Variants in ENTREP2 observed in about 807,000 individuals in gnomAD.
The protein encoded by ENTREP2 is protein ENTREP2.
the ENTREP2 span, among the ~76,000 whole-genome samples, chr15:29,663,535 A>C: frequency 2.0e-5 from 3 of 152,204 alleles, no homozygotes; most frequent in African/African-American, 7.2e-5. Flanking sequence ...GTGCAGCCAT[A>C]AAAAAGAATG....
At chr15:29,383,521 C>T in the ENTREP2 span, among the ~76,000 whole-genome samples, 1 of 152,190 alleles carries the variant, frequency 6.6e-6, no homozygotes, top group Non-Finnish European at 1.5e-5. Context: ...ATTGCTCACG[C>T]TTGCCACTGT....
chr15:29,474,318 T>C, the ENTREP2 span, among the ~76,000 whole-genome samples: 1 of 152,086 alleles, frequency 6.6e-6, no homozygotes, highest in Non-Finnish European at 1.5e-5. Context: ...TCAGAAAGGC[T>C]GCGCCCGGCG....
At chr15:29,672,483 A>G in the ENTREP2 span, among the ~76,000 whole-genome samples, 1 of 151,894 alleles carries the variant, frequency 6.6e-6, no homozygotes, top group African/African-American at 2.4e-5. Context: ...TTTTTTTCTA[A>G]AAGTCAAATC....
chr15:29,321,125 C>CA, the ENTREP2 span, among the ~76,000 whole-genome samples: 1 of 152,042 alleles, frequency 6.6e-6, no homozygotes. Context: ...GGATAACTAT[C>CA]AAAAACTCTA....
At chr15:29,199,083 G>A in the ENTREP2 span, among the ~76,000 whole-genome samples, 1 of 152,188 alleles carries the variant, frequency 6.6e-6, no homozygotes, top group Non-Finnish European at 1.5e-5. Flanking sequence ...GTACATACAT[G>A]TGCATATTTC....
the ENTREP2 span, among the ~76,000 whole-genome samples, chr15:29,149,699 G>A: frequency 6.6e-6 from 1 of 152,208 alleles, no homozygotes; most frequent in South Asian, 2.1e-4. Context: ...CAGTCCCATA[G>A]GGCGCCATGG....
chr15:29,638,995 C>T, the ENTREP2 span, among the ~76,000 whole-genome samples: 1 of 152,168 alleles, frequency 6.6e-6, no homozygotes, highest in East Asian at 1.9e-4. Flanking sequence ...GGAGTTATAA[C>T]CTGAATCCTG....
At chr15:29,370,567 T>G in the ENTREP2 span, among the ~76,000 whole-genome samples, 2 of 151,888 alleles carry the variant, frequency 1.3e-5, no homozygotes, top group African/African-American at 4.8e-5. Context: ...ACCGGAAGAC[T>G]GCAACCGAGA....
At chr15:29,409,369 T>A in the ENTREP2 span, among the ~76,000 whole-genome samples, 1 of 151,520 alleles carries the variant, frequency 6.6e-6, no homozygotes, top group African/African-American at 2.4e-5. Flanking sequence ...GGAGATGGAG[T>A]CTCGCTTTGT....
chr15:29,146,136 A>G, the ENTREP2 span, among the ~76,000 whole-genome samples: 1 of 152,244 alleles, frequency 6.6e-6, no homozygotes, highest in African/African-American at 2.4e-5. Context: ...AACCGTGAAT[A>G]TAACTGAAAG....
the ENTREP2 span, among the ~76,000 whole-genome samples, chr15:29,606,795 C>T: frequency 6.6e-6 from 1 of 151,926 alleles, no homozygotes; most frequent in South Asian, 2.1e-4. Context: ...CATCCTGGGC[C>T]GATATTCTCA....
chr15:29,585,888 C>A, the ENTREP2 span, among the ~76,000 whole-genome samples: 1 of 149,988 alleles, frequency 6.7e-6, no homozygotes, highest in Admixed American at 6.6e-5. Context: ...AATGGCACAA[C>A]CACTTTGGAA....
the ENTREP2 span, among the ~76,000 whole-genome samples, chr15:29,119,279 A>AAAAGCAAATACAATTC: frequency 3.6e-5 from 2 of 55,260 alleles, no homozygotes; most frequent in South Asian, 7.0e-4. Flanking sequence ...CTTAAGAATG[A>AAAAGCAAATACAATTC]TGAGTTCATG....
the ENTREP2 span, among the ~76,000 whole-genome samples, chr15:29,400,582 A>T: frequency 1.3e-5 from 2 of 152,248 alleles, no homozygotes; most frequent in Non-Finnish European, 2.9e-5. Flanking sequence ...TCTACGTTTC[A>T]ACATTAAAAT....
chr15:29,160,427 G>A, the ENTREP2 span, among the ~76,000 whole-genome samples: 2 of 152,012 alleles, frequency 1.3e-5, no homozygotes, highest in Non-Finnish European at 2.9e-5. Context: ...CTGCCAGCAC[G>A]CTGTCACCTC....
the ENTREP2 span, among the ~76,000 whole-genome samples, chr15:29,288,748 A>C: frequency 1.1e-4 from 17 of 152,134 alleles, no homozygotes; most frequent in Non-Finnish European, 1.5e-4. Context: ...AGTACTCTCT[A>C]TGATGTCTAC....
the ENTREP2 span, among the ~76,000 whole-genome samples, chr15:29,189,105 G>C: frequency 2.0e-5 from 3 of 152,188 alleles, no homozygotes; most frequent in Non-Finnish European, 1.5e-5. Flanking sequence ...AGCCACTCTA[G>C]CAATTCAATC....
At chr15:29,367,950 A>C in the ENTREP2 span, among the ~76,000 whole-genome samples, 2,614 of 147,682 alleles carry the variant, frequency 0.018, 28 homozygotes, top group Non-Finnish European at 0.026. Flanking sequence ...TTTTCAACAA[A>C]AAAAAAAAAA....
chr15:29,292,598 C>G, the ENTREP2 span, among the ~76,000 whole-genome samples: 2 of 152,166 alleles, frequency 1.3e-5, no homozygotes, highest in African/African-American at 2.4e-5. Context: ...CCAGGCTGGT[C>G]TTGAACTCCT....
Sources: allele counts gnomAD v4.1 joint callset (sites outside exome capture counted in the v4.1 genomes callset), GRCh38; gene constraint gnomAD v4.1.1; transcripts MANE v1.5; gene names NCBI Gene and HGNC (gene_info 2026-07-23, HGNC 2026-07-21).